RIC3: variants seen among roughly 807,000 people sequenced by gnomAD.
The protein encoded by RIC3 is protein RIC-3.
A neutral mutation model predicts 27.3 loss-of-function variants in RIC3; 28 were observed. The ratio of observed to expected loss-of-function variants is 1.02; its 90% confidence interval spans 0.76 to 1.41. RIC3 has a LOEUF of 1.41. Among genes scored for constraint, RIC3 ranks in the 40% most tolerant of loss-of-function variants. RIC3 has a pLI of 0.00. For missense variants in RIC3, 501 were observed against 444.7 expected, an observed-to-expected ratio of 1.13 and a Z score of -1.14; for synonymous variants, 184 against 160.4, an observed-to-expected ratio of 1.15 and a Z score of -1.11.
downstream of RIC3, chr11:8,102,394 G>C (rs1354400827): frequency 6.6e-6 from 1 of 152,262 alleles, no homozygotes; most frequent in Non-Finnish European, 1.5e-5. Flanking sequence ...GCATGCAGAA[G>C]TGCATGAACA....
At chr11:8,167,599 G>T (rs1273935204) in intron 1 of RIC3, among the ~76,000 whole-genome samples, 2 of 144,982 alleles carry the variant, frequency 1.4e-5, no homozygotes, top group Non-Finnish European at 3.0e-5. Context: ...CCCACTCACA[G>T]TCAATAGTAC....
the RIC3 span, chr11:8,100,955 C>A: frequency 6.2e-7 from 1 of 1,614,158 alleles, no homozygotes. Context: ...GCGCGTCACA[C>A]AGGCCTCCGT....
intron 1 of RIC3, among the ~76,000 whole-genome samples, chr11:8,146,913 A>G (rs1949739416): frequency 6.6e-6 from 1 of 152,140 alleles, no homozygotes; most frequent in African/African-American, 2.4e-5. Flanking sequence ...CAGATAGCAG[A>G]CTTCTGAGGG....
At chr11:8,122,465 A>G (rs937372608) in intron 5 of RIC3, among the ~76,000 whole-genome samples, 1 of 152,148 alleles carries the variant, frequency 6.6e-6, no homozygotes, top group Non-Finnish European at 1.5e-5. Context: ...GTATATATAT[A>G]TGTACCACAG....
the RIC3 span, chr11:8,100,436 T>TCC: frequency 7.9e-7 from 1 of 1,262,026 alleles, no homozygotes; most frequent in Non-Finnish European, 1.2e-6. Context: ...TTTATTCCCG[T>TCC]CCCCCCCACC....
Position 8,110,022 on chromosome 11 carries a change from AG to A in RIC3, c.*675del, listed in dbSNP as rs1266946161. The A allele has an allele frequency of 6.5e-6, 1 of 154,418 alleles. No individual in the cohort carries two copies. The highest frequency in any genetic ancestry group is 1.4e-5 in the Non-Finnish European group (1 of 69,604). The allele number at this position is 154,418 out of a possible 1,614,324, so 9.6% of individuals were successfully genotyped here. On this transcript the variant is annotated 3_prime_UTR_variant, in exon 6 of 6. Transcript: ENST00000309737. ...CAGGGGTAAAGGAAGCTAGATATCC[AG>A]GTAGTATCAGAGTAAAACAGTCCCC... is the stretch of plus-strand genomic sequence containing the variant.
At chr11:8,120,194 A>G (rs948926691) in intron 5 of RIC3, among the ~76,000 whole-genome samples, 5 of 152,256 alleles carry the variant, frequency 3.3e-5, no homozygotes, top group African/African-American at 1.2e-4. Context: ...TACTGGGTAT[A>G]TACCCAAAGG....
chr11:8,115,592 G>A (rs1945761750), intron 5 of RIC3, among the ~76,000 whole-genome samples: 1 of 152,122 alleles, frequency 6.6e-6, no homozygotes, highest in South Asian at 2.1e-4. Context: ...TGGATCACCT[G>A]AGGTCAGGAG....
At position 8,106,189 on chromosome 11, in the gene RIC3, G is replaced by C. The variant is rs1050686460; in HGVS notation, c.*4509C>G. The C allele has an allele frequency of 6.6e-6, 1 of 151,934 alleles. No homozygotes were observed. The highest frequency in any genetic ancestry group is 6.6e-5 in the Admixed American group (1 of 15,260). 9.4% of individuals were successfully genotyped at this position (151,934 alleles called of 1,614,324 possible). Reference sequence around the variant, plus strand: ...GACATTATGTATGTTGTAGAATTTAGTGTTTGTCTAAGTACACACATATAT... The same window carrying C: ...GACATTATGTATGTTGTAGAATTTACTGTTTGTCTAAGTACACACATATAT... On this transcript the variant is annotated 3_prime_UTR_variant, in exon 6 of 6. Coordinates refer to ENST00000309737, the MANE Select transcript of RIC3 (RefSeq NM_001206671.4).
intron 1 of RIC3, among the ~76,000 whole-genome samples, chr11:8,168,658 C>A (rs1951971978): frequency 6.6e-6 from 1 of 152,236 alleles, no homozygotes; most frequent in African/African-American, 2.4e-5. Context: ...CCTGACCCTT[C>A]CAGCAGCAGA....
At chr11:8,101,512 C>G, downstream of RIC3, 1 of 1,614,214 alleles carries the variant, frequency 6.2e-7, no homozygotes, top group Non-Finnish European at 8.5e-7. Flanking sequence ...GCAGTTTGGC[C>G]GGGTAGCAGA....
At chr11:8,157,462 C>T (rs1950768302) in intron 1 of RIC3, among the ~76,000 whole-genome samples, 2 of 152,142 alleles carry the variant, frequency 1.3e-5, no homozygotes, top group African/African-American at 2.4e-5. Context: ...ATTGAGATGC[C>T]CCACAATTCC....
chr11:8,129,600 A>G (rs1028894795), intron 4 of RIC3, among the ~76,000 whole-genome samples: 3 of 152,218 alleles, frequency 2.0e-5, no homozygotes, highest in African/African-American at 4.8e-5. Flanking sequence ...ATAGAAAAAT[A>G]AAAGGTCACA....
At chr11:8,141,370 G>T (rs1462822164) in intron 1 of RIC3, among the ~76,000 whole-genome samples, 4 of 152,056 alleles carry the variant, frequency 2.6e-5, no homozygotes, top group Non-Finnish European at 5.9e-5. Context: ...AAAAGGCAGG[G>T]GTTGCAGTCC....
At position 8,140,172 on chromosome 11, in the gene RIC3, G is replaced by T; in HGVS notation, c.146C>A (p.Pro49His). ...GGGTGCCTGGTGATGATGCATCATAGGTGGAAATCGGCCCAATTTTCCTGA... is the reference window on the plus strand; with the variant it reads ...GGGTGCCTGGTGATGATGCATCATATGTGGAAATCGGCCCAATTTTCCTGA... ...TPEGKLGRFPPMMHHHQAPSD... is the reference protein window; with the variant it reads ...TPEGKLGRFPHMMHHHQAPSD... Residue 49 changes from proline (P) to histidine (H), a missense_variant, in exon 2 of 6, where the codon CCT becomes CAT. By Grantham distance (77) the Pro-to-His change is moderately conservative (BLOSUM62 -2). Coordinates refer to ENST00000309737, the MANE Select transcript of RIC3 (RefSeq NM_001206671.4). The T allele has an allele frequency of 6.2e-7, 1 of 1,611,900 alleles. No homozygotes were observed. Among genetic ancestry groups the T allele is most frequent in the African/African-American group, 1.3e-5 (1 of 74,940 alleles).
chr11:8,149,519 G>C (rs1312875579), intron 1 of RIC3, among the ~76,000 whole-genome samples: 2 of 152,108 alleles, frequency 1.3e-5, no homozygotes, highest in African/African-American at 2.4e-5. Flanking sequence ...GCAGAATATA[G>C]GCTCTAATAT....
chr11:8,150,670 A>G (rs1303168252), intron 1 of RIC3, among the ~76,000 whole-genome samples: 1 of 152,246 alleles, frequency 6.6e-6, no homozygotes, highest in Non-Finnish European at 1.5e-5. Flanking sequence ...GCGCTAGCCA[A>G]AGATGACTAG....
intron 5 of RIC3, among the ~76,000 whole-genome samples, chr11:8,120,275 G>C (rs1460287400): frequency 2.0e-5 from 3 of 152,160 alleles, no homozygotes; most frequent in Admixed American, 2.0e-4. Flanking sequence ...CAATAGCAAA[G>C]ACTTGGAACC....
intron 1 of RIC3, among the ~76,000 whole-genome samples, chr11:8,152,822 G>A (rs1417908053): frequency 6.6e-6 from 1 of 151,976 alleles, no homozygotes; most frequent in Non-Finnish European, 1.5e-5. Context: ...TCAAATTGTG[G>A]TCCTAATTCT....
Sources: allele counts gnomAD v4.1 joint callset (sites outside exome capture counted in the v4.1 genomes callset), GRCh38; gene constraint gnomAD v4.1.1; transcripts MANE v1.5; gene names NCBI Gene and HGNC (gene_info 2026-07-23, HGNC 2026-07-21).